ARHGAP24: variants seen among roughly 807,000 people sequenced by gnomAD.
The protein encoded by ARHGAP24 is rho GTPase-activating protein 24.
ARHGAP24 carries 50 observed loss-of-function variants against 76.4 expected under a neutral mutation model. The ratio of observed to expected loss-of-function variants is 0.65; its 90% CI spans 0.52 to 0.83. The LOEUF (loss-of-function observed/expected upper bound fraction) is 0.83. Ranked by LOEUF, ARHGAP24 falls within the 40% of genes least tolerant of loss-of-function variation. The probability of loss-of-function intolerance (pLI) is 0.00; values close to 1 mark genes in which losing one functional copy is unlikely to be tolerated. For synonymous variants in ARHGAP24, 345 were observed against 323.3 expected (o/e 1.07, Z -0.72); for missense variants, 930 against 914.2 (o/e 1.02, Z -0.22).
At chr4:85,977,434 G>A in intron 7 of ARHGAP24, 136 bp from the exon 8 acceptor site, 1 of 1,000,382 alleles carries the variant, frequency 1.0e-6, no homozygotes, top group Non-Finnish European at 1.5e-6. Context: ...TGAGAGATGG[G>A]TGAACATCCA....
chr4:85,923,633 A>G lies in ARHGAP24; in HGVS notation c.269-15A>G, dbSNP rs1560720323. The G allele has an allele frequency of 1.2e-6, 2 of 1,613,420 alleles. No individual in the cohort carries two copies. Among genetic ancestry groups the G allele is most frequent in the Non-Finnish European group, 1.7e-6 (2 of 1,179,646 alleles). On this transcript the variant is annotated splice_polypyrimidine_tract_variant and intron_variant, in intron 3 of 9. Transcript: ENST00000395184. ...TGGATGCAACTTCAGCTGCATTGTT[A>G]CTGTGTTTTCACAGGAGGCGATCGA... is the stretch of plus-strand genomic sequence containing the variant.
intron 5 of ARHGAP24, among the ~76,000 whole-genome samples, chr4:85,947,769 A>G (rs1433189652): frequency 2.6e-5 from 4 of 152,232 alleles, no homozygotes; most frequent in Admixed American, 2.6e-4. Context: ...AACAGTAAAA[A>G]CTGAACACCA....
chr4:85,579,786 T>C (rs1727532963), intron 2 of ARHGAP24, among the ~76,000 whole-genome samples: 1 of 152,196 alleles, frequency 6.6e-6, no homozygotes, highest in Non-Finnish European at 1.5e-5. Context: ...CTATCAGTAC[T>C]TTGTTTCTTC....
chr4:85,629,089 C>T (rs747121854), intron 2 of ARHGAP24, among the ~76,000 whole-genome samples: 4 of 152,156 alleles, frequency 2.6e-5, no homozygotes, highest in South Asian at 2.1e-4. Flanking sequence ...TGTAGTGGTA[C>T]GTTTTGATTC....
At chr4:85,495,604 G>A (rs1215332741) in intron 1 of ARHGAP24, among the ~76,000 whole-genome samples, 5 of 151,762 alleles carry the variant, frequency 3.3e-5, no homozygotes, top group Non-Finnish European at 5.9e-5. Context: ...CGCCCGCCTC[G>A]GCCGCCCAAA....
At chr4:85,774,918 A>G (rs561444023) in intron 3 of ARHGAP24, among the ~76,000 whole-genome samples, 1 of 152,310 alleles carries the variant, frequency 6.6e-6, no homozygotes, top group South Asian at 2.1e-4. Flanking sequence ...TGCCTGTTTT[A>G]TACTAGATAC....
chr4:85,560,168 G>A (rs1186909331), intron 1 of ARHGAP24, among the ~76,000 whole-genome samples: 1 of 151,988 alleles, frequency 6.6e-6, no homozygotes, highest in African/African-American at 2.4e-5. Flanking sequence ...TTATCAGCAT[G>A]GGGAATTCCA....
At chr4:85,570,927 C>G (rs1727114980) in intron 2 of ARHGAP24, 1 of 540,058 alleles carries the variant, frequency 1.9e-6, no homozygotes, top group Admixed American at 3.2e-5. Flanking sequence ...TTATACTTGT[C>G]TAATATTAAT....
intron 3 of ARHGAP24, among the ~76,000 whole-genome samples, chr4:85,848,357 T>C (rs1359765682): frequency 3.3e-5 from 5 of 152,134 alleles, no homozygotes; most frequent in African/African-American, 9.7e-5. Context: ...TGACAGGCCC[T>C]GGTGTGTGAT....
At chr4:85,493,394 A>G (rs1723434013) in intron 1 of ARHGAP24, among the ~76,000 whole-genome samples, 1 of 152,154 alleles carries the variant, frequency 6.6e-6, no homozygotes. Context: ...TCCTTCTACC[A>G]TTATTAGTTA....
At chr4:85,840,580 G>T (rs345330) in intron 3 of ARHGAP24, among the ~76,000 whole-genome samples, 35,045 of 152,066 alleles carry the variant, frequency 0.23, 5,249 homozygotes, top group Non-Finnish European at 0.35. Flanking sequence ...TGGATCCAGG[G>T]TTTTGCTTAG....
intron 3 of ARHGAP24, among the ~76,000 whole-genome samples, chr4:85,782,263 T>C (rs1398729505): frequency 6.6e-6 from 1 of 152,062 alleles, no homozygotes; most frequent in Non-Finnish European, 1.5e-5. Flanking sequence ...TTAATTTTCG[T>C]GTTCATACCT....
chr4:85,842,482 G>A (rs931337140), intron 3 of ARHGAP24, among the ~76,000 whole-genome samples: 4 of 151,928 alleles, frequency 2.6e-5, no homozygotes, highest in African/African-American at 7.3e-5. Context: ...GTTATTACAG[G>A]ACAATAAATG....
At chr4:85,738,873 C>T (rs952319044) in intron 3 of ARHGAP24, among the ~76,000 whole-genome samples, 1 of 152,190 alleles carries the variant, frequency 6.6e-6, no homozygotes, top group South Asian at 2.1e-4. Context: ...GTTTTTCTCC[C>T]TCTGGTTGAG....
chr4:85,986,871 G>A (rs1740037164), intron 8 of ARHGAP24, among the ~76,000 whole-genome samples: 1 of 152,008 alleles, frequency 6.6e-6, no homozygotes, highest in African/African-American at 2.4e-5. Flanking sequence ...TATTACCTTA[G>A]TGCTAAGATT....
intron 7 of ARHGAP24, chr4:85,975,611 C>A: frequency 6.6e-6 from 1 of 152,238 alleles, no homozygotes; most frequent in African/African-American, 2.4e-5. Context: ...ATGGGATATG[C>A]CATATATGTG....
chr4:85,982,558 C>G (rs1739732652), intron 8 of ARHGAP24, among the ~76,000 whole-genome samples: 2 of 152,116 alleles, frequency 1.3e-5, no homozygotes, highest in Admixed American at 1.3e-4. Context: ...ACCAAACTTT[C>G]AGGAGACCTC....
rs927392724 is a variant in ARHGAP24, at chr4:85,518,278, A to G, written c.-21+42719A>G. On this transcript the variant is annotated intron_variant, in intron 1 of 9. Transcript: ENST00000395184. Reference sequence around the variant, plus strand: ...AATCTTTAGCTAACTAGGAAAATTGACTATGAAGAATGATTTGTTCCCAAG... The same window carrying G: ...AATCTTTAGCTAACTAGGAAAATTGGCTATGAAGAATGATTTGTTCCCAAG... 3.3e-5 allele frequency among the ~76,000 whole-genome samples: 5 copies of G among 152,176 alleles called. No individual in the cohort carries two copies. The East Asian group carries it at 7.7e-4, about 23-fold the overall frequency.
chr4:85,582,509 G>A (rs1047780318), intron 2 of ARHGAP24, among the ~76,000 whole-genome samples: 4 of 152,006 alleles, frequency 2.6e-5, no homozygotes, highest in African/African-American at 4.8e-5. Flanking sequence ...GATACAAAAC[G>A]CATGAGATAG....
Sources: allele counts gnomAD v4.1 joint callset (sites outside exome capture counted in the v4.1 genomes callset), GRCh38; gene constraint gnomAD v4.1.1; transcripts MANE v1.5; gene names NCBI Gene and HGNC (gene_info 2026-07-23, HGNC 2026-07-21).